The following EPS8L1 variants were observed in gnomAD, a reference collection of about 807,000 sequenced individuals.
The protein encoded by EPS8L1 is EPS8 signaling adaptor L1, also known as epidermal growth factor receptor kinase substrate 8-like protein 1.
A neutral mutation model predicts 91.7 loss-of-function variants in EPS8L1; 101 were observed. That is an observed-to-expected ratio of 1.10 (90% CI 0.94 to 1.30). The LOEUF is 1.30. Among genes scored for constraint, EPS8L1 ranks in the 50% most tolerant of loss-of-function variants. EPS8L1 has a pLI of 0.00. For missense variants in EPS8L1, 1,114 were observed against 1,017.0 expected (o/e 1.10, Z -1.30); for synonymous variants, 506 against 445.3 (o/e 1.14, Z -1.72).
At chr19:55,077,584 CTTTTTTTTTT>C (rs35750835) in intron 2 of EPS8L1, among the ~76,000 whole-genome samples, 2 of 76,878 alleles carry the variant, frequency 2.6e-5, no homozygotes, top group Admixed American at 1.9e-4. Context: ...CCTGACCTGT[CTTTTTTTTTT>C]TTTTTTTTTT....
At position 55,083,568 on chromosome 19, in the gene EPS8L1, G is replaced by T. The variant is rs572623695; in HGVS notation, c.1357-48G>T. On this transcript the variant is annotated intron_variant, in intron 13 of 19. Transcript: ENST00000201647. This position sits in a 1 kb window ranked among gnomAD's most constrained non-coding sequence, Gnocchi z 4.7. ...CCGAGGCTGGGAAGTCCGGGGGCGC[G>T]GCCGGTCCGCCTGGCCCCGCCTGAC... The T allele has an allele frequency of 1.3e-5, 20 of 1,595,626 alleles. No individual in the cohort carries two copies. The highest frequency in any genetic ancestry group is 1.7e-4 in the Middle Eastern group (1 of 6,012).
At position 55,080,580 on chromosome 19, in the gene EPS8L1, C is replaced by T. The variant is rs530891779; in HGVS notation, c.430-192C>T. The T allele has an allele frequency of 1.2e-5, 20 of 1,605,020 alleles. No individual in the cohort carries two copies. In the Admixed American group the frequency reaches 1.7e-4, roughly 14 times the overall value. On this transcript the variant is annotated intron_variant, in intron 6 of 19. Transcript: ENST00000201647. ...ACCACCCGGACTGGGTCTCCATGGG[C>T]GGGGTCGTGGCTTAGGGCAGGGACA...
At chr19:55,078,903 T>C in intron 3 of EPS8L1, 96 bp from the exon 4 acceptor site, 1 of 1,239,118 alleles carries the variant, frequency 8.1e-7, no homozygotes, top group Non-Finnish European at 1.2e-6. Context: ...GACTCCTAGG[T>C]TTGAGGGAGG....
Position 55,080,150 on chromosome 19 carries a change from CT to C in EPS8L1, c.302del (p.Leu101ArgfsTer10). ...GCAGGAGGAGCTGGAGTCGTACCCA[CT>C]GGGCGCCATCGTGCGCTGTGACGCG... ...ASKEELESYP[L>X]GAIVRCDAVM... On this transcript the variant is annotated frameshift_variant, in exon 6 of 20. Transcript: ENST00000201647. LOFTEE classifies it high-confidence loss of function. 1 of 1,513,456 alleles carries C rather than the reference CT, an allele frequency of 6.6e-7. No individual in the cohort carries two copies. The highest frequency in any genetic ancestry group is 1.7e-4 in the Middle Eastern group (1 of 5,830). The allele number at this position is 1,513,456 out of a possible 1,614,324, so 93.8% of individuals were successfully genotyped here.
chr19:55,080,965 C>CACCCTAGTCGAGTCTTGTCTGT, intron 7 of EPS8L1, 111 bp downstream of exon 7: 1 of 1,080,972 alleles, frequency 9.3e-7, no homozygotes, highest in Non-Finnish European at 1.3e-6. Flanking sequence ...GAGTCAAGCA[C>CACCCTAGTCGAGTCTTGTCTGT]ACCCTAGTCG....
At chr19:55,086,634 C>CGGG in intron 17 of EPS8L1, 80 bp from the exon 18 acceptor site, 16 of 1,374,694 alleles carry the variant, frequency 1.2e-5, no homozygotes, top group Non-Finnish European at 1.5e-5. Flanking sequence ...GACGCTGGAG[C>CGGG]GCCCCCCCGC....
rs750883568 is a variant in EPS8L1 at position 55,079,829 on chromosome 19, C to T, written c.257C>T (p.Thr86Met). ...CTGCGAGTGTCTCCCGACCATGTCA[C>T]GCTGCTCGACCCGGCCTCCAAGGTG... ...MLLRVSPDHVTLLDPASKEEL... is the reference protein window; with the variant it reads ...MLLRVSPDHVMLLDPASKEEL... Residue 86 changes from threonine (T) to methionine (M), a missense_variant, in exon 5 of 20, where the codon ACG becomes ATG. Physicochemically the swap from Thr to Met is moderately conservative, Grantham distance 81 (BLOSUM62 -1). Transcript: ENST00000201647. 3.7e-6 allele frequency: 6 copies of T among 1,613,374 alleles called. No individual in the cohort carries two copies. In the South Asian group the frequency reaches 4.4e-5, roughly 12 times the overall value.
Position 55,081,337 on chromosome 19 carries a change from G to C in EPS8L1, c.619G>C (p.Ala207Pro). Residue 207 changes from alanine (A) to proline (P), a missense_variant, in exon 8 of 20, where the codon GCG becomes CCG. Ala to Pro is a conservative substitution (Grantham distance 27). Coordinates refer to ENST00000201647, the MANE Select transcript of EPS8L1 (RefSeq NM_133180.3). This position sits in a 1 kb window ranked among gnomAD's most constrained non-coding sequence, Gnocchi z 4.9. ...RAVISTVERGAGRGRPQAKPI... is the reference protein window; with the variant it reads ...RAVISTVERGPGRGRPQAKPI... ...AGTGATCAGCACCGTAGAGCGGGGC[G>C]CGGGCCGCGGACGACCCCAGGCGAA... 1.3e-6 allele frequency: 2 copies of C among 1,557,040 alleles called. No individual in the cohort carries two copies. Among genetic ancestry groups the C allele is most frequent in the Non-Finnish European group, 1.7e-6 (2 of 1,156,476 alleles).
Position 55,083,911 on chromosome 19 carries a change from G to A in EPS8L1, c.1385+267G>A, listed in dbSNP as rs2076327552. ...GCCTAAGGGAGGAAGGGGGCTGGGAGTGGGTAAAGTCTGAGAGGTTGGATC... is the reference window on the plus strand; with the variant it reads ...GCCTAAGGGAGGAAGGGGGCTGGGAATGGGTAAAGTCTGAGAGGTTGGATC... On this transcript the variant is annotated intron_variant, in intron 14 of 19. Transcript: ENST00000201647. This position sits in a 1 kb window ranked among gnomAD's most constrained non-coding sequence, Gnocchi z 4.7. The A allele has an allele frequency of 1.4e-5, 9 of 621,686 alleles. No homozygotes were observed. The allele number at this position is 621,686 out of a possible 1,614,324, so 38.5% of individuals were successfully genotyped here.
chr19:55,080,153 G>A lies in EPS8L1; in HGVS notation c.304G>A (p.Gly102Ser). The stretch of plus-strand genomic sequence containing the variant: ...GGAGGAGCTGGAGTCGTACCCACTG[G>A]GCGCCATCGTGCGCTGTGACGCGGT... The part of the protein sequence containing the change: ...SKEELESYPL[G>S]AIVRCDAVMP... Residue 102 changes from glycine (G) to serine (S), a missense_variant, in exon 6 of 20, where the codon GGC (glycine) becomes AGC (serine). By Grantham distance (56) the Gly-to-Ser change is moderately conservative. Transcript: ENST00000201647. 6.6e-7 allele frequency: 1 copy of A among 1,515,750 alleles called. No individual in the cohort carries two copies. Among genetic ancestry groups the A allele is most frequent in the Non-Finnish European group, 8.9e-7 (1 of 1,125,140 alleles). 93.9% of individuals were successfully genotyped at this position (1,515,750 alleles called of 1,614,324 possible).
chr19:55,084,562 A>G (rs1455009331), intron 14 of EPS8L1: 1 of 152,272 alleles, frequency 6.6e-6, no homozygotes, highest in Non-Finnish European at 1.5e-5. Flanking sequence ...AGAGGGTCTC[A>G]GCAGGGACAG....
Position 55,083,817 on chromosome 19 carries a change from A to T in EPS8L1, c.1385+173A>T. On this transcript the variant is annotated intron_variant, in intron 14 of 19. Coordinates refer to ENST00000201647, the MANE Select transcript of EPS8L1 (RefSeq NM_133180.3). The surrounding 1 kb of genome is among the most constrained non-coding windows in gnomAD (Gnocchi z 4.7). ...CCGGGGCTGGGAGAGAGGGAGGAGC[A>T]GGGTGGGAGGGGGCGGGACCCAGAC... is the stretch of plus-strand genomic sequence containing the variant. 2.3e-5 allele frequency: 2 copies of T among 85,600 alleles called. No individual in the cohort carries two copies. Among genetic ancestry groups the T allele is most frequent in the Non-Finnish European group, 4.4e-5 (2 of 45,930 alleles). The allele number at this position is 85,600 out of a possible 1,614,324, so 5.3% of individuals were successfully genotyped here. A position where few individuals can be genotyped will look rare whatever the true frequency, so the allele number is the denominator to read the frequency against.
In EPS8L1 at chr19:55,083,742, C is replaced by T. The variant is rs1400439066; in HGVS notation, c.1385+98C>T. ...CGCCCCCTTTTTTTCTGTGTTTTTC[C>T]TTCTGTCTTCCTGGCTCTTCTCAGG... is the stretch of plus-strand genomic sequence containing the variant. On this transcript the variant is annotated intron_variant, in intron 14 of 19. Transcript: ENST00000201647. This position sits in a 1 kb window ranked among gnomAD's most constrained non-coding sequence, Gnocchi z 4.7. 1 of 1,313,792 alleles carries T rather than the reference C, an allele frequency of 7.6e-7. No homozygotes were observed. The highest frequency in any genetic ancestry group is 1.5e-5 in the African/African-American group (1 of 65,252). The allele number at this position is 1,313,792 out of a possible 1,614,324, so 81.4% of individuals were successfully genotyped here.
At chr19:55,082,888 G>A (rs961035900) in intron 12 of EPS8L1, among the ~76,000 whole-genome samples, 18 of 152,008 alleles carry the variant, frequency 1.2e-4, no homozygotes, top group African/African-American at 4.3e-4. Flanking sequence ...GCAGGGGCGG[G>A]GCTACGCGAA....
In EPS8L1 at chr19:55,080,913, A is replaced by C. The variant is rs1463679753; in HGVS notation, c.512+59A>C. ...AGCCGGTTTCCCCTCCTTGTGCCTC[A>C]GTCTACAACACCAGCCTGGAACAGA... On this transcript the variant is annotated intron_variant, in intron 7 of 19. Coordinates refer to ENST00000201647, the MANE Select transcript of EPS8L1 (RefSeq NM_133180.3). The C allele has an allele frequency of 2.1e-6, 3 of 1,441,200 alleles. No homozygotes were observed. The African/African-American group carries it at 4.2e-5, about 20-fold the overall frequency. The allele number at this position is 1,441,200 out of a possible 1,614,324, so 89.3% of individuals were successfully genotyped here.
rs1261099569 is a variant in EPS8L1 at position 55,083,731 on chromosome 19, CTG to C, written c.1385+91_1385+92del. 2.2e-6 allele frequency: 3 copies of C among 1,366,220 alleles called. No homozygotes were observed. The highest frequency in any genetic ancestry group is 2.0e-6 in the Non-Finnish European group (2 of 1,024,860). The allele number at this position is 1,366,220 out of a possible 1,614,324, so 84.6% of individuals were successfully genotyped here. On this transcript the variant is annotated intron_variant, in intron 14 of 19. Coordinates refer to ENST00000201647, the MANE Select transcript of EPS8L1 (RefSeq NM_133180.3). This position sits in a 1 kb window ranked among gnomAD's most constrained non-coding sequence, Gnocchi z 4.7. Reference sequence around the variant, plus strand: ...GATGCTGACTCCGCCCCCTTTTTTTCTGTGTTTTTCCTTCTGTCTTCCTGGCT... The same window carrying C: ...GATGCTGACTCCGCCCCCTTTTTTTCTGTTTTTCCTTCTGTCTTCCTGGCT...
rs967906327 is a variant in EPS8L1 at position 55,087,355 on chromosome 19, A to G, written c.2005A>G (p.Lys669Glu). Residue 669 changes from lysine (K) to glutamate (E), a missense_variant, in exon 19 of 20, where the codon AAG (lysine) becomes GAG (glutamate). Lys to Glu is a moderately conservative substitution (Grantham distance 56). Transcript: ENST00000201647. ...LTGAQLFSLQ[K>E]EELRAVSPEE... ...CGGGGCGCAGCTTTTCTCGCTGCAG[A>G]AGGAGGAGCTGCGGGCGGTGAGCCC... The G allele has an allele frequency of 1.9e-5, 30 of 1,612,830 alleles. No individual in the cohort carries two copies. Among genetic ancestry groups the G allele is most frequent in the African/African-American group, 8.0e-5 (6 of 75,006 alleles).
intron 4 of EPS8L1, among the ~76,000 whole-genome samples, chr19:55,079,357 C>A (rs1271498227): frequency 6.6e-6 from 1 of 152,108 alleles, no homozygotes; most frequent in African/African-American, 2.4e-5. Context: ...CCAGAGGAAT[C>A]CACAGAGGCG....
intron 4 of EPS8L1, among the ~76,000 whole-genome samples, chr19:55,079,331 A>C (rs2076203643): frequency 6.6e-6 from 1 of 152,078 alleles, no homozygotes; most frequent in Non-Finnish European, 1.5e-5. Flanking sequence ...CTGCATGAGG[A>C]AGGGGTAGAC....
Sources: allele counts gnomAD v4.1 joint callset (sites outside exome capture counted in the v4.1 genomes callset), GRCh38; gene constraint gnomAD v4.1.1; non-coding constraint Gnocchi (gnomAD v3.1); transcripts MANE v1.5; gene names NCBI Gene and HGNC (gene_info 2026-07-23, HGNC 2026-07-21).